OSTN: variants seen among roughly 807,000 people sequenced by gnomAD.
OSTN encodes the protein osteocrin.
Under a neutral mutation model 12.0 loss-of-function variants are expected in OSTN, and 9 were observed. The ratio of observed to expected loss-of-function variants is 0.75; its 90% CI spans 0.45 to 1.30. OSTN has a LOEUF of 1.30. Among genes scored for constraint, OSTN ranks in the 50% most tolerant of loss-of-function variants. The pLI is 0.00. For missense variants in OSTN, 148 were observed against 152.3 expected, an observed-to-expected ratio of 0.97 and a Z score of 0.15; for synonymous variants, 59 against 56.9, an observed-to-expected ratio of 1.04 and a Z score of -0.16.
chr3:191,253,443 A>G (rs368618001), intron 4 of OSTN, among the ~76,000 whole-genome samples: 1 of 152,204 alleles, frequency 6.6e-6, no homozygotes, highest in East Asian at 1.9e-4. Flanking sequence ...AAGTCACACA[A>G]ATTTATTTAA....
intron 3 of OSTN, among the ~76,000 whole-genome samples, chr3:191,246,750 G>A (rs74855859): frequency 1.2e-5 from 1 of 81,024 alleles, no homozygotes; most frequent in East Asian, 5.1e-4. Context: ...AAGAGGAGAA[G>A]GAGGAGAAGG....
At chr3:191,201,548 A>G (rs1714153285) in intron 1 of OSTN, among the ~76,000 whole-genome samples, 2 of 152,178 alleles carry the variant, frequency 1.3e-5, no homozygotes, top group Admixed American at 1.3e-4. Context: ...TGCCTTCAGT[A>G]CAGCTGAGCT....
At chr3:191,200,362 A>G (rs1714125202) in intron 1 of OSTN, among the ~76,000 whole-genome samples, 1 of 152,158 alleles carries the variant, frequency 6.6e-6, no homozygotes, top group Non-Finnish European at 1.5e-5. Context: ...CAGGATTTTT[A>G]ACTGATTCTT....
intron 2 of OSTN, chr3:191,213,404 T>C (rs558465040): frequency 6.6e-5 from 10 of 152,290 alleles, no homozygotes; most frequent in Non-Finnish European, 1.3e-4. Context: ...AAGCCAGTTA[T>C]CTAAACGTGG....
chr3:191,240,004 T>G (rs1715284272), intron 3 of OSTN, among the ~76,000 whole-genome samples: 1 of 152,252 alleles, frequency 6.6e-6, no homozygotes, highest in African/African-American at 2.4e-5. Context: ...TATGTTCAGC[T>G]TGATCAGCAA....
intron 3 of OSTN, among the ~76,000 whole-genome samples, chr3:191,244,266 A>T (rs1290835845): frequency 6.6e-6 from 1 of 152,114 alleles, no homozygotes; most frequent in Non-Finnish European, 1.5e-5. Context: ...TCACATAGGA[A>T]GTTTAGATTT....
At chr3:191,237,075 T>C (rs1024699500) in intron 3 of OSTN, among the ~76,000 whole-genome samples, 3 of 152,136 alleles carry the variant, frequency 2.0e-5, no homozygotes, top group Non-Finnish European at 2.9e-5. Context: ...AGGGGAAAAA[T>C]GGCAGGGAGG....
chr3:191,250,053 C>T lies in OSTN; in HGVS notation c.334C>T (p.Pro112Ser), dbSNP rs1392151613. 9.3e-6 allele frequency: 15 copies of T among 1,613,570 alleles called. No homozygotes were observed. The highest frequency in any genetic ancestry group is 1.3e-5 in the Non-Finnish European group (15 of 1,179,544). Residue 112 changes from proline to serine, a missense_variant, in exon 4 of 5, where the codon CCA (proline) becomes TCA (serine). By Grantham distance (74) the Pro-to-Ser change is moderately conservative (BLOSUM62 -1). Transcript: ENST00000682035. ...TTGTTTCAGGAAAGTAGTAGATCAT[C>T]CAAAAAGGCGATTTGGTATCCCCAT... The part of the protein sequence containing the change: ...KGKQRKVVDH[P>S]KRRFGIPMDR...
In OSTN at chr3:191,212,654, A is replaced by G. The variant is rs1399116649; in HGVS notation, c.102+20A>G. 21 of 1,289,382 alleles carry G rather than the reference A, an allele frequency of 1.6e-5. No individual in the cohort carries two copies. The highest frequency in any genetic ancestry group is 2.1e-5 in the Non-Finnish European group (20 of 936,650). 79.9% of individuals were successfully genotyped at this position (1,289,382 alleles called of 1,614,324 possible). On this transcript the variant is annotated intron_variant, in intron 2 of 4. Transcript: ENST00000682035. Reference sequence around the variant, plus strand: ...ACAGAGGTAATGGAAACTAGCTTACAGAAATAAATATACATGTTTGACATG... The same window carrying G: ...ACAGAGGTAATGGAAACTAGCTTACGGAAATAAATATACATGTTTGACATG...
chr3:191,242,526 T>C (rs1560122366), intron 3 of OSTN, among the ~76,000 whole-genome samples: 1 of 152,002 alleles, frequency 6.6e-6, no homozygotes, highest in Non-Finnish European at 1.5e-5. Flanking sequence ...GAAACATGAT[T>C]TTTTACTCAC....
intron 1 of OSTN, among the ~76,000 whole-genome samples, chr3:191,201,234 C>A (rs1016521439): frequency 6.6e-6 from 1 of 152,038 alleles, no homozygotes; most frequent in East Asian, 1.9e-4. Flanking sequence ...CCATCTCCTC[C>A]CTCCAGTAAC....
At chr3:191,247,258 T>A (rs904320000) in intron 3 of OSTN, among the ~76,000 whole-genome samples, 6 of 152,174 alleles carry the variant, frequency 3.9e-5, no homozygotes, top group Non-Finnish European at 7.4e-5. Context: ...AACCATAAAA[T>A]TTATATTAAT....
intron 3 of OSTN, among the ~76,000 whole-genome samples, chr3:191,222,775 T>C (rs1178271182): frequency 6.6e-6 from 1 of 152,114 alleles, no homozygotes. Flanking sequence ...CCTCGTGTTA[T>C]GGGAAGGACC....
At chr3:191,213,319 C>A (rs1035634638) in intron 2 of OSTN, 1 of 152,128 alleles carries the variant, frequency 6.6e-6, no homozygotes, top group Admixed American at 6.5e-5. Context: ...TTATTGCCAA[C>A]ATGCCATTCA....
chr3:191,257,856 G>A (rs989293752), intron 4 of OSTN, among the ~76,000 whole-genome samples: 1 of 152,076 alleles, frequency 6.6e-6, no homozygotes, highest in Non-Finnish European at 1.5e-5. Context: ...TTAAATTAAT[G>A]TGGTACCATG....
At chr3:191,259,915 T>A (rs1715767156) in intron 4 of OSTN, among the ~76,000 whole-genome samples, 1 of 147,368 alleles carries the variant, frequency 6.8e-6, no homozygotes. Context: ...AGCGCAGTGG[T>A]ACAATCTCGA....
intron 3 of OSTN, among the ~76,000 whole-genome samples, chr3:191,232,527 T>C (rs1215162885): frequency 2.0e-5 from 3 of 149,618 alleles, no homozygotes; most frequent in Non-Finnish European, 4.4e-5. Context: ...TATATAAAAT[T>C]ATGTTTATTT....
chr3:191,226,935 G>A (rs1219297898), intron 3 of OSTN, among the ~76,000 whole-genome samples: 1 of 152,068 alleles, frequency 6.6e-6, no homozygotes. Context: ...ATTGTTGGAA[G>A]TTCTACATAG....
intron 1 of OSTN, among the ~76,000 whole-genome samples, chr3:191,206,892 G>A (rs1308244981): frequency 6.6e-6 from 1 of 152,172 alleles, no homozygotes; most frequent in Non-Finnish European, 1.5e-5. Context: ...TTAATGGAGT[G>A]GGTAAAGGGT....
Sources: allele counts gnomAD v4.1 joint callset (sites outside exome capture counted in the v4.1 genomes callset), GRCh38; gene constraint gnomAD v4.1.1; transcripts MANE v1.5; gene names NCBI Gene and HGNC (gene_info 2026-07-23, HGNC 2026-07-21).